RTN1: variants seen among roughly 807,000 people sequenced by gnomAD.
RTN1 encodes reticulon-1.
RTN1 carries 25 observed loss-of-function variants against 65.5 expected under a neutral mutation model. That is an observed-to-expected ratio of 0.38 (90% confidence interval 0.28 to 0.53). The LOEUF (loss-of-function observed/expected upper bound fraction) is 0.53. RTN1 is among the 20% of genes least tolerant of loss of function. The probability of loss-of-function intolerance (pLI) is 0.79; values close to 1 mark genes in which losing one functional copy is unlikely to be tolerated. For synonymous variants in RTN1, 471 were observed against 447.6 expected, an observed-to-expected ratio of 1.05 and a Z score of -0.66; for missense variants, 983 against 1,025.4, an observed-to-expected ratio of 0.96 and a Z score of 0.57.
intron 1 of RTN1, among the ~76,000 whole-genome samples, chr14:59,763,466 G>T (rs1373410697): frequency 1.3e-5 from 2 of 151,502 alleles, no homozygotes; most frequent in Non-Finnish European, 2.9e-5. Flanking sequence ...GAAGAAAAAG[G>T]CCAATAAATT....
intron 3 of RTN1, among the ~76,000 whole-genome samples, chr14:59,713,580 TCA>T (rs2139459684): frequency 6.6e-6 from 1 of 152,250 alleles, no homozygotes; most frequent in African/African-American, 2.4e-5. Context: ...CTGCAAAAAG[TCA>T]CAAGCATGTC....
intron 1 of RTN1, among the ~76,000 whole-genome samples, chr14:59,801,889 C>T (rs937703284): frequency 1.3e-5 from 2 of 152,162 alleles, no homozygotes; most frequent in African/African-American, 2.4e-5. Flanking sequence ...TCGTGGGTAA[C>T]ACAGGAAAAA....
chr14:59,610,217 A>T (rs1881903978), intron 3 of RTN1: 2 of 724,332 alleles, frequency 2.8e-6, no homozygotes, highest in Non-Finnish European at 5.1e-6. Context: ...CACTTCATGG[A>T]CTTTCCTTGA....
At chr14:59,862,339 T>C (rs754388183) in intron 1 of RTN1, among the ~76,000 whole-genome samples, 3 of 152,186 alleles carry the variant, frequency 2.0e-5, no homozygotes, top group Non-Finnish European at 4.4e-5. Flanking sequence ...TCAGTAATCA[T>C]GTAGGTGACT....
chr14:59,610,941 C>G (rs1188695063), intron 3 of RTN1, among the ~76,000 whole-genome samples: 2 of 152,144 alleles, frequency 1.3e-5, no homozygotes, highest in Non-Finnish European at 2.9e-5. Flanking sequence ...TGACTGAGCA[C>G]AAGAAGACTG....
At chr14:59,722,515 C>G (rs546114013) in intron 3 of RTN1, among the ~76,000 whole-genome samples, 1 of 152,048 alleles carries the variant, frequency 6.6e-6, no homozygotes, top group African/African-American at 2.4e-5. Context: ...AGAGGAGAAC[C>G]AAGAAAGAGA....
At chr14:59,648,438 C>A (rs1882948541) in intron 3 of RTN1, among the ~76,000 whole-genome samples, 2 of 152,162 alleles carry the variant, frequency 1.3e-5, no homozygotes, top group Non-Finnish European at 1.5e-5. Flanking sequence ...CCAACTAATT[C>A]TGTGAGGCCA....
rs1007685631 is a variant in RTN1, at chr14:59,846,368, C to T, written c.241+24022G>A. On this transcript the variant is annotated intron_variant, in intron 1 of 8. Transcript: ENST00000267484. The surrounding 1 kb of genome is among the most constrained non-coding windows in gnomAD (Gnocchi z 4.8). ...ACAGCACTCTTCTCATCCCAGCACC[C>T]ATATCTGTGCAGCCACAGCCCATGG... Among the ~76,000 whole-genome samples, 3 of 152,160 alleles carry T rather than the reference C, an allele frequency of 2.0e-5. No individual in the cohort carries two copies. Among genetic ancestry groups the T allele is most frequent in the East Asian group, 1.9e-4 (1 of 5,192 alleles).
At chr14:59,824,291 C>T (rs1055898004) in intron 1 of RTN1, among the ~76,000 whole-genome samples, 18 of 152,036 alleles carry the variant, frequency 1.2e-4, no homozygotes, top group African/African-American at 3.9e-4. Flanking sequence ...CTCATTCTAC[C>T]ATGTTCTTCA....
chr14:59,870,270 T>TG lies in RTN1; in HGVS notation c.241+119dup. The TG allele has an allele frequency of 3.0e-6, 3 of 991,812 alleles. No individual in the cohort carries two copies. Among genetic ancestry groups the TG allele is most frequent in the Non-Finnish European group, 4.0e-6 (3 of 755,762 alleles). 61.4% of individuals were successfully genotyped at this position (991,812 alleles called of 1,614,324 possible). On this transcript the variant is annotated intron_variant, in intron 1 of 8. Transcript: ENST00000267484. This position sits in a 1 kb window ranked among gnomAD's most constrained non-coding sequence, Gnocchi z 5.1. Reference sequence around the variant, plus strand: ...CCAGTCGCCCGTGGCGACGCGGGGGTGGGGTCGGCGCTCAAGGCAGAAAGC... The same window carrying TG: ...CCAGTCGCCCGTGGCGACGCGGGGGTGGGGGTCGGCGCTCAAGGCAGAAAGC...
At chr14:59,771,432 C>G (rs1257808732) in intron 1 of RTN1, among the ~76,000 whole-genome samples, 3 of 152,132 alleles carry the variant, frequency 2.0e-5, no homozygotes, top group African/African-American at 7.2e-5. Context: ...TTTACAGAAC[C>G]AAAACTCAAG....
intron 3 of RTN1, among the ~76,000 whole-genome samples, chr14:59,685,042 T>C (rs1413018395): frequency 1.3e-5 from 2 of 152,186 alleles, no homozygotes; most frequent in Non-Finnish European, 2.9e-5. Flanking sequence ...TCAATAAATG[T>C]AATACATCAC....
intron 1 of RTN1, among the ~76,000 whole-genome samples, chr14:59,793,600 T>C (rs917262591): frequency 3.3e-5 from 5 of 150,494 alleles, no homozygotes; most frequent in Admixed American, 1.3e-4. Flanking sequence ...AGAGAATTCA[T>C]AAAAATTCTA....
intron 1 of RTN1, among the ~76,000 whole-genome samples, chr14:59,753,194 T>A (rs901250788): frequency 1.3e-5 from 2 of 152,128 alleles, no homozygotes; most frequent in South Asian, 2.1e-4. Context: ...CTAAATGACA[T>A]CTATATTATT....
chr14:59,666,585 A>C (rs1162276258), intron 3 of RTN1, among the ~76,000 whole-genome samples: 1 of 152,148 alleles, frequency 6.6e-6, no homozygotes, highest in Non-Finnish European at 1.5e-5. Context: ...AAAAATAACT[A>C]AGATCAGAGC....
intron 1 of RTN1, among the ~76,000 whole-genome samples, chr14:59,789,170 TTA>T (rs945269102): frequency 5.9e-5 from 9 of 152,214 alleles, no homozygotes; most frequent in African/African-American, 2.2e-4. Context: ...TTGATTTTTT[TTA>T]GTTTGATTCT....
intron 1 of RTN1, among the ~76,000 whole-genome samples, chr14:59,758,890 TGCAAA>T (rs1359803201): frequency 2.0e-5 from 3 of 152,226 alleles, no homozygotes; most frequent in African/African-American, 7.2e-5. Flanking sequence ...GCTTACTATG[TGCAAA>T]GCACCAAAAT....
At chr14:59,798,610 G>A (rs1200559774) in intron 1 of RTN1, among the ~76,000 whole-genome samples, 1 of 151,966 alleles carries the variant, frequency 6.6e-6, no homozygotes, top group Non-Finnish European at 1.5e-5. Context: ...TGCTTCCATG[G>A]TCACATCCTC....
At chr14:59,729,065 T>C (rs1342201569) in intron 2 of RTN1, among the ~76,000 whole-genome samples, 2 of 152,344 alleles carry the variant, frequency 1.3e-5, no homozygotes, top group East Asian at 3.9e-4. Flanking sequence ...GGAGTCCGTG[T>C]AGGCCTCATT....
Sources: gnomAD v4.1 joint callset for allele counts (sites outside exome capture counted in the v4.1 genomes callset) on GRCh38, gnomAD v4.1.1 for gene constraint, Gnocchi (gnomAD v3.1) non-coding constraint, MANE v1.5 for transcripts, NCBI Gene and HGNC (gene_info 2026-07-23, HGNC 2026-07-21) for gene names.